The following CLSTN2 variants were observed in gnomAD, a reference collection of about 807,000 sequenced individuals.
CLSTN2 encodes the protein calsyntenin-2.
In CLSTN2, 48 loss-of-function variants were observed where a neutral mutation model predicts 101.2. The ratio of observed to expected loss-of-function variants is 0.47; its 90% CI spans 0.38 to 0.60. The LOEUF (loss-of-function observed/expected upper bound fraction) is 0.60, where lower values mean the gene tolerates loss of function less well. CLSTN2 is among the 20% of genes least tolerant of loss of function. The pLI, the probability that CLSTN2 is intolerant of heterozygous loss-of-function variation, is 0.00. For missense variants in CLSTN2, 1,160 were observed against 1,238.2 expected (o/e 0.94, Z 0.95); for synonymous variants, 481 against 463.6 (o/e 1.04, Z -0.48).
chr3:139,973,883 C>T (rs763452836), intron 1 of CLSTN2, among the ~76,000 whole-genome samples: 25 of 152,182 alleles, frequency 1.6e-4, no homozygotes, highest in Admixed American at 2.6e-4. Context: ...TCAATTTTCC[C>T]GCCTCGGCCT....
At chr3:139,948,160 G>C (rs954681981) in intron 1 of CLSTN2, among the ~76,000 whole-genome samples, 6 of 152,060 alleles carry the variant, frequency 3.9e-5, no homozygotes, top group African/African-American at 7.2e-5. Flanking sequence ...TAGCATCAAG[G>C]ACTGCTTTTG....
chr3:140,335,059 A>G (rs7611205), intron 2 of CLSTN2, among the ~76,000 whole-genome samples: 64,589 of 152,058 alleles, frequency 0.42, 14,444 homozygotes, highest in Non-Finnish European at 0.5. Context: ...CTGGATCCTT[A>G]CCCTGGCCAG....
chr3:140,248,089 A>G (rs2086531658), intron 2 of CLSTN2, among the ~76,000 whole-genome samples: 1 of 152,226 alleles, frequency 6.6e-6, no homozygotes, highest in Admixed American at 6.5e-5. Flanking sequence ...GCAGGAATTA[A>G]TGGGTATGTG....
At chr3:140,283,962 G>T (rs1466549205) in intron 2 of CLSTN2, among the ~76,000 whole-genome samples, 1 of 152,122 alleles carries the variant, frequency 6.6e-6, no homozygotes, top group Non-Finnish European at 1.5e-5. Context: ...CTAATTCTCT[G>T]TTAGAAGCTC....
intron 5 of CLSTN2, among the ~76,000 whole-genome samples, chr3:140,422,204 T>A (rs1219027396): frequency 6.6e-6 from 1 of 151,996 alleles, no homozygotes; most frequent in Non-Finnish European, 1.5e-5. Flanking sequence ...TCTCTCTCTC[T>A]CTCTCTCTCT....
At chr3:140,059,105 C>T (rs970184823) in intron 1 of CLSTN2, among the ~76,000 whole-genome samples, 4 of 152,278 alleles carry the variant, frequency 2.6e-5, no homozygotes, top group Non-Finnish European at 4.4e-5. Flanking sequence ...CCCAGTTCCA[C>T]TGCGTCCTGC....
At chr3:140,270,579 A>G (rs1290412026) in intron 2 of CLSTN2, among the ~76,000 whole-genome samples, 1 of 152,184 alleles carries the variant, frequency 6.6e-6, no homozygotes, top group Non-Finnish European at 1.5e-5. Flanking sequence ...ACCAGTAAGA[A>G]CATGAATCCT....
rs1985518453 is a variant in CLSTN2 at position 140,570,921 on chromosome 3, A to T, written c.*4668A>T. 1 of 152,252 alleles carries T rather than the reference A, an allele frequency of 6.6e-6. No homozygotes were observed. The highest frequency in any genetic ancestry group is 2.4e-5 in the African/African-American group (1 of 41,462). 9.4% of individuals were successfully genotyped at this position (152,252 alleles called of 1,614,324 possible). Reference sequence around the variant, plus strand: ...TTGCCTCCAAACTGAACAACAGGAAAAAGTGCCATAGTTTTTAATTAAGCT... The same window carrying T: ...TTGCCTCCAAACTGAACAACAGGAATAAGTGCCATAGTTTTTAATTAAGCT... On this transcript the variant is annotated 3_prime_UTR_variant, in exon 17 of 17. Coordinates refer to ENST00000458420, the MANE Select transcript of CLSTN2 (RefSeq NM_022131.3).
intron 1 of CLSTN2, among the ~76,000 whole-genome samples, chr3:140,082,515 C>T (rs1341728975): frequency 6.6e-6 from 1 of 152,106 alleles, no homozygotes; most frequent in Non-Finnish European, 1.5e-5. Context: ...ATTAAGTCCA[C>T]CCTGGATTTT....
intron 7 of CLSTN2, among the ~76,000 whole-genome samples, chr3:140,463,691 C>T (rs942227752): frequency 1.8e-4 from 27 of 151,874 alleles, no homozygotes; most frequent in Admixed American, 3.3e-4. Context: ...AAGTGAATGA[C>T]GGGGCTGCCA....
chr3:140,555,374 C>T (rs2107790697), intron 10 of CLSTN2, among the ~76,000 whole-genome samples: 1 of 152,262 alleles, frequency 6.6e-6, no homozygotes, highest in African/African-American at 2.4e-5. Context: ...ATAAGTGTCC[C>T]ACGGGAGGGA....
At chr3:140,204,260 T>A (rs1051154114) in intron 2 of CLSTN2, among the ~76,000 whole-genome samples, 1 of 152,224 alleles carries the variant, frequency 6.6e-6, no homozygotes, top group Admixed American at 6.5e-5. Flanking sequence ...AAACATGTTT[T>A]GGCCTAGAGA....
chr3:140,465,686 C>T (rs1455623435), intron 7 of CLSTN2, among the ~76,000 whole-genome samples: 1 of 152,124 alleles, frequency 6.6e-6, no homozygotes, highest in Non-Finnish European at 1.5e-5. Flanking sequence ...TATGATAATC[C>T]AGCTTCAATG....
At chr3:140,182,702 C>A (rs1333112292) in intron 2 of CLSTN2, among the ~76,000 whole-genome samples, 1 of 152,200 alleles carries the variant, frequency 6.6e-6, no homozygotes, top group Non-Finnish European at 1.5e-5. Context: ...CCAGACCTAT[C>A]TGGAATCCAC....
rs535726862 is a variant in CLSTN2, at chr3:139,951,076, C to A, written c.109+15593C>A. On this transcript the variant is annotated intron_variant, in intron 1 of 16. Transcript: ENST00000458420. ...AAGCTCAGGGTTTATCAAAGCTACA[C>A]AGAGAATATCCAGCTGACTCACTTT... Among the ~76,000 whole-genome samples, 3 of 152,264 alleles carry A rather than the reference C, an allele frequency of 2.0e-5. No individual in the cohort carries two copies. The East Asian group carries it at 5.8e-4, about 29-fold the overall frequency.
intron 8 of CLSTN2, among the ~76,000 whole-genome samples, chr3:140,495,222 T>C (rs1934441294): frequency 6.6e-6 from 1 of 152,254 alleles, no homozygotes; most frequent in Non-Finnish European, 1.5e-5. Context: ...CAATCAGTGA[T>C]GTTGAGCTTT....
intron 8 of CLSTN2, among the ~76,000 whole-genome samples, chr3:140,531,424 ATTGTAGGGAGGGC>A (rs1446809833): frequency 2.0e-5 from 3 of 152,132 alleles, no homozygotes; most frequent in Non-Finnish European, 2.9e-5. Context: ...CAAGCATGGA[ATTGTAGGGAGGGC>A]TTTGATGCCC....
intron 2 of CLSTN2, among the ~76,000 whole-genome samples, chr3:140,248,428 T>C (rs1384126234): frequency 6.6e-6 from 1 of 152,158 alleles, no homozygotes; most frequent in Non-Finnish European, 1.5e-5. Flanking sequence ...TAGAGGAGGC[T>C]AAGGCTTCTT....
intron 2 of CLSTN2, among the ~76,000 whole-genome samples, chr3:140,210,968 A>G (rs1461176856): frequency 6.6e-6 from 1 of 152,160 alleles, no homozygotes; most frequent in Admixed American, 6.5e-5. Flanking sequence ...TTCCATCAAC[A>G]GTGCACAGAG....
Sources: gnomAD v4.1 joint callset for allele counts (sites outside exome capture counted in the v4.1 genomes callset) on GRCh38, gnomAD v4.1.1 for gene constraint, MANE v1.5 for transcripts, NCBI Gene and HGNC (gene_info 2026-07-23, HGNC 2026-07-21) for gene names.